The following TMEM115 variants were observed in gnomAD, a reference collection of about 807,000 sequenced individuals.
TMEM115 encodes the protein PP6.
TMEM115 carries 8 observed loss-of-function variants against 20.1 expected under a neutral mutation model. The observed-to-expected ratio is 0.40, with a 90% CI of 0.23 to 0.72. TMEM115 has a LOEUF of 0.72. Among genes scored for constraint, TMEM115 ranks in the 30% least tolerant of loss-of-function variants. TMEM115 has a pLI of 0.39. For missense variants in TMEM115, 374 were observed against 455.1 expected, an observed-to-expected ratio of 0.82 and a Z score of 1.62; for synonymous variants, 229 against 206.2, an observed-to-expected ratio of 1.11 and a Z score of -0.95.
intron 1 of TMEM115, among the ~76,000 whole-genome samples, chr3:50,357,695 C>T (rs1703899686): frequency 6.6e-6 from 1 of 152,192 alleles, no homozygotes; most frequent in African/African-American, 2.4e-5. Flanking sequence ...TTGCTGGAGA[C>T]AGAGGTAAAT....
chr3:50,355,527 A>G lies in TMEM115; in HGVS notation c.872T>C (p.Leu291Pro). 6.2e-7 allele frequency: 1 copy of G among 1,601,150 alleles called. No individual in the cohort carries two copies. The highest frequency in any genetic ancestry group is 2.3e-5 in the East Asian group (1 of 43,588). Residue 291 changes from leucine (L) to proline (P), a missense_variant, in exon 2 of 2, where the codon CTC becomes CCC. Coordinates refer to ENST00000266025, the MANE Select transcript of TMEM115 (RefSeq NM_007024.5). ...ERRRQLALKA[L>P]NERLKRVEDQ... ...TTCCACTCTCTTCAGCCGCTCATTG[A>G]GTGCCTTCAGGGCCAGTTGCCTGGG...
intron 1 of TMEM115, among the ~76,000 whole-genome samples, chr3:50,356,540 C>T (rs1352159944): frequency 6.6e-6 from 1 of 152,210 alleles, no homozygotes; most frequent in African/African-American, 2.4e-5. Context: ...AAAGCCCTAG[C>T]ACGCTTCCCC....
Position 50,359,232 on chromosome 3 carries a change from C to T in TMEM115, c.-169G>A. On this transcript the variant is annotated 5_prime_UTR_variant, in exon 1 of 2. Transcript: ENST00000266025. ...GGGTGGGGCTCTGGTCCCGAGGGGC[C>T]GAGTCGGGCCTTGTTGCCGGGCCGC... 1 of 1,118,436 alleles carries T rather than the reference C, an allele frequency of 8.9e-7. No individual in the cohort carries two copies. Among genetic ancestry groups the T allele is most frequent in the African/African-American group, 1.6e-5 (1 of 63,570 alleles). 69.3% of individuals were successfully genotyped at this position (1,118,436 alleles called of 1,614,324 possible). A position where few individuals can be genotyped will look rare whatever the true frequency, so the allele number is the denominator to read the frequency against.
chr3:50,358,651 G>A lies in TMEM115; in HGVS notation c.413C>T (p.Ala138Val), dbSNP rs1703914970. 1 of 1,613,202 alleles carries A rather than the reference G, an allele frequency of 6.2e-7. No homozygotes were observed. Among genetic ancestry groups the A allele is most frequent in the East Asian group, 2.2e-5 (1 of 44,884 alleles). ...CAGGACGCCACCTAGGAAGCCCAAG[G>A]CGCCGTGGATACGGACAGTGAACAG... ...VYLFTVRIHG[A>V]LGFLGGVLVA... Residue 138 changes from alanine (A) to valine (V), a missense_variant, in exon 1 of 2, where the codon GCC becomes GTC. Transcript: ENST00000266025.
chr3:50,355,844 T>C (rs931061677), intron 1 of TMEM115, among the ~76,000 whole-genome samples: 7 of 152,222 alleles, frequency 4.6e-5, no homozygotes, highest in Non-Finnish European at 7.3e-5. Context: ...CCACCAGGAA[T>C]GGTTCTGAGG....
chr3:50,354,922 G>T lies in TMEM115; in HGVS notation c.*421C>A, dbSNP rs2109377551. 1 of 161,214 alleles carries T rather than the reference G, an allele frequency of 6.2e-6. No individual in the cohort carries two copies. The highest frequency in any genetic ancestry group is 2.4e-5 in the African/African-American group (1 of 41,916). The allele number at this position is 161,214 out of a possible 1,614,324, so 10.0% of individuals were successfully genotyped here. On this transcript the variant is annotated 3_prime_UTR_variant, in exon 2 of 2. Transcript: ENST00000266025. ...AACAGTCTTTCTGGGGATGGGCAGG[G>T]ATGTGCAGCCCCAGGTCGGCTCCTG...
intron 1 of TMEM115, among the ~76,000 whole-genome samples, chr3:50,357,296 C>A (rs1172000507): frequency 6.6e-6 from 1 of 152,194 alleles, no homozygotes; most frequent in East Asian, 1.9e-4. Flanking sequence ...ATAACTGCAG[C>A]TAAATTCATA....
At chr3:50,358,148 C>G (rs1703905099) in intron 1 of TMEM115, 65 bp downstream of exon 1, 5 of 1,577,488 alleles carry the variant, frequency 3.2e-6, no homozygotes, top group Non-Finnish European at 4.3e-6. Context: ...AACACCTCAA[C>G]AGATGGCATG....
chr3:50,359,198 C>T lies in TMEM115; in HGVS notation c.-135G>A. The T allele has an allele frequency of 7.4e-7, 1 of 1,351,038 alleles. No individual in the cohort carries two copies. Among genetic ancestry groups the T allele is most frequent in the South Asian group, 1.5e-5 (1 of 64,852 alleles). 83.7% of individuals were successfully genotyped at this position (1,351,038 alleles called of 1,614,324 possible). A position where few individuals can be genotyped will look rare whatever the true frequency, so the allele number is the denominator to read the frequency against. ...GCCTATGGCCCTGGTAAAGGATCCG[C>T]TTCCGATCGGGTGGGGCTCTGGTCC... is the stretch of plus-strand genomic sequence containing the variant. On this transcript the variant is annotated 5_prime_UTR_variant, in exon 1 of 2. Coordinates refer to ENST00000266025, the MANE Select transcript of TMEM115 (RefSeq NM_007024.5).
intron 1 of TMEM115, among the ~76,000 whole-genome samples, chr3:50,356,245 G>T (rs77217288): frequency 6.6e-6 from 1 of 152,206 alleles, no homozygotes; most frequent in Admixed American, 6.5e-5. Context: ...AGAGCCTACT[G>T]CTTCCACAGG....
rs760106970 is a variant in TMEM115 at position 50,359,085 on chromosome 3, G to A, written c.-22C>T. 1.9e-6 allele frequency: 3 copies of A among 1,541,974 alleles called. No homozygotes were observed. The highest frequency in any genetic ancestry group is 1.2e-5 in the South Asian group (1 of 83,514). ...GCATCTTCCTGGCGGCTGTCGGCCT[G>A]AGAAAAGGGTCTGGTAGGCCAGGGG... On this transcript the variant is annotated 5_prime_UTR_variant, in exon 1 of 2. Transcript: ENST00000266025.
rs762258093 is a variant in TMEM115 at position 50,355,519 on chromosome 3, G to A, written c.880C>T (p.Arg294Trp). Reference protein sequence around the residue: ...RQLALKALNERLKRVEDQSIW... With the variant: ...RQLALKALNEWLKRVEDQSIW... ...GACTGGTCTTCCACTCTCTTCAGCC[G>A]CTCATTGAGTGCCTTCAGGGCCAGT... Residue 294 changes from arginine to tryptophan, a missense_variant, in exon 2 of 2, where the codon CGG becomes TGG. Arg to Trp is a moderately radical substitution (Grantham distance 101). Coordinates refer to ENST00000266025, the MANE Select transcript of TMEM115 (RefSeq NM_007024.5). 7 of 1,602,686 alleles carry A rather than the reference G, an allele frequency of 4.4e-6. No individual in the cohort carries two copies. Among genetic ancestry groups the A allele is most frequent in the African/African-American group, 1.3e-5 (1 of 74,352 alleles).
chr3:50,358,164 C>T (rs1240498100), intron 1 of TMEM115, 49 bp downstream of exon 1: 9 of 1,592,796 alleles, frequency 5.7e-6, no homozygotes, highest in South Asian at 1.1e-5. Context: ...GCATGTGACT[C>T]GACCAGTATG....
chr3:50,356,801 A>T (rs1703884014), intron 1 of TMEM115, among the ~76,000 whole-genome samples: 1 of 152,180 alleles, frequency 6.6e-6, no homozygotes. Flanking sequence ...GGCTGGAGGA[A>T]TAACCGCCAC....
At chr3:50,356,033 G>A (rs959376177) in intron 1 of TMEM115, among the ~76,000 whole-genome samples, 1 of 152,216 alleles carries the variant, frequency 6.6e-6, no homozygotes, top group East Asian at 1.9e-4. Flanking sequence ...CAATGGGGAA[G>A]GCTGGAATTC....
chr3:50,355,647 C>A, intron 1 of TMEM115, 100 bp from the exon 2 acceptor site: 1 of 1,043,770 alleles, frequency 9.6e-7, no homozygotes, highest in Non-Finnish European at 1.3e-6. Flanking sequence ...ACCACCTAGA[C>A]TCCTCCCCCA....
intron 1 of TMEM115, among the ~76,000 whole-genome samples, chr3:50,356,424 A>G (rs1275061507): frequency 6.6e-6 from 1 of 152,218 alleles, no homozygotes; most frequent in Non-Finnish European, 1.5e-5. Context: ...TCTCTGTGCC[A>G]CCAATGTGGG....
In TMEM115 at chr3:50,358,692, G is replaced by C; in HGVS notation, c.372C>G (p.Ser124=). Residue 124 remains serine, a synonymous_variant, in exon 1 of 2, where the codon TCC becomes TCG. Transcript: ENST00000266025. The part of the protein sequence containing the change: ...AFAYLLTYMA[S]FNLVYLFTVR... ...CAGTGAACAGGTAGACCAGGTTGAAGGAAGCCATGTAGGTGAGGAGGTAGG... is the reference window on the plus strand; with the variant it reads ...CAGTGAACAGGTAGACCAGGTTGAACGAAGCCATGTAGGTGAGGAGGTAGG... The C allele has an allele frequency of 6.2e-7, 1 of 1,613,528 alleles. No individual in the cohort carries two copies. Among genetic ancestry groups the C allele is most frequent in the Non-Finnish European group, 8.5e-7 (1 of 1,180,038 alleles).
chr3:50,358,002 A>T, intron 1 of TMEM115: 1 of 614,856 alleles, frequency 1.6e-6, no homozygotes, highest in Non-Finnish European at 2.8e-6. Flanking sequence ...GAGACTTATT[A>T]AGTGGCCCGA....
Sources: gnomAD v4.1 joint callset for allele counts (sites outside exome capture counted in the v4.1 genomes callset) on GRCh38, gnomAD v4.1.1 for gene constraint, MANE v1.5 for transcripts, NCBI Gene and HGNC (gene_info 2026-07-23, HGNC 2026-07-21) for gene names.